Variants in PCDHGA1 observed in about 807,000 individuals in gnomAD.
PCDHGA1 encodes the protein protocadherin gamma-A1.
PCDHGA1 carries 32 observed loss-of-function variants against 58.0 expected under a neutral mutation model. The ratio of observed to expected loss-of-function variants is 0.55; its 90% CI spans 0.42 to 0.74. The LOEUF (loss-of-function observed/expected upper bound fraction) is 0.74, where lower values mean the gene tolerates loss of function less well. Among genes scored for constraint, PCDHGA1 ranks in the 30% least tolerant of loss-of-function variants. The probability of loss-of-function intolerance (pLI) is 0.00; values close to 1 mark genes in which losing one functional copy is unlikely to be tolerated. For synonymous variants in PCDHGA1, 498 were observed against 501.1 expected, an observed-to-expected ratio of 0.99 and a Z score of 0.08; for missense variants, 1,205 against 1,182.3, an observed-to-expected ratio of 1.02 and a Z score of -0.28.
chr5:141,339,219 G>T (rs1278686878), intron 1 of PCDHGA1: 1 of 1,614,172 alleles, frequency 6.2e-7, no homozygotes, highest in Non-Finnish European at 8.5e-7. Flanking sequence ...CGAAGCGGCA[G>T]CTTGGTCACT....
chr5:141,405,419 T>C, intron 1 of PCDHGA1: 7 of 1,509,010 alleles, frequency 4.6e-6, no homozygotes, highest in Non-Finnish European at 5.4e-6. Flanking sequence ...TTTTTTGTTT[T>C]TTGTTTTGTT....
chr5:141,345,099 G>T (rs541638352), intron 1 of PCDHGA1: 1 of 1,614,002 alleles, frequency 6.2e-7, no homozygotes, highest in African/African-American at 1.3e-5. Context: ...CACAAGCTCA[G>T]TCCCAGAAGA....
intron 1 of PCDHGA1, among the ~76,000 whole-genome samples, chr5:141,459,962 C>T (rs994878993): frequency 5.3e-5 from 8 of 152,290 alleles, no homozygotes; most frequent in South Asian, 2.1e-4. Flanking sequence ...CCTGTAATCC[C>T]AGCTACTCAG....
rs749653656 is a variant in PCDHGA1, at chr5:141,331,282, T to C, written c.598T>C (p.Leu200=). The C allele has an allele frequency of 6.2e-7, 1 of 1,614,054 alleles. No individual in the cohort carries two copies. Among genetic ancestry groups the C allele is most frequent in the South Asian group, 1.1e-5 (1 of 91,074 alleles). ...QHPEMVLQSP[L]DREEEAVHHL... ...TCCAGAGATGGTGCTGCAGAGTCCCTTAGACAGAGAAGAAGAAGCTGTCCA... is the reference window on the plus strand; with the variant it reads ...TCCAGAGATGGTGCTGCAGAGTCCCCTAGACAGAGAAGAAGAAGCTGTCCA... The change falls in exon 1 of 4, where the codon TTA becomes CTA. Residue 200 remains leucine (L), a synonymous_variant. Coordinates refer to ENST00000517417, the MANE Select transcript of PCDHGA1 (RefSeq NM_018912.3).
At chr5:141,437,895 A>G (rs911855268) in intron 1 of PCDHGA1, among the ~76,000 whole-genome samples, 23 of 151,954 alleles carry the variant, frequency 1.5e-4, no homozygotes, top group African/African-American at 4.8e-4. Flanking sequence ...ACGCCACCAC[A>G]CCCAGCTAAT....
At chr5:141,414,059 A>C (rs1008514691) in intron 1 of PCDHGA1, 1 of 1,609,440 alleles carries the variant, frequency 6.2e-7, no homozygotes, top group East Asian at 2.2e-5. Flanking sequence ...CAATTGTTGA[A>C]GTTCCAACTA....
chr5:141,451,955 A>T (rs1004010741), intron 1 of PCDHGA1, among the ~76,000 whole-genome samples: 2 of 152,196 alleles, frequency 1.3e-5, no homozygotes, highest in Admixed American at 1.3e-4. Flanking sequence ...CGAGAAAGTG[A>T]CATACCATCA....
At position 141,485,680 on chromosome 5, in the gene PCDHGA1, C is replaced by A. The variant is rs1450674419; in HGVS notation, c.2422-9127C>A. The A allele has an allele frequency of 6.2e-7, 1 of 1,613,966 alleles. No individual in the cohort carries two copies. On this transcript the variant is annotated intron_variant, in intron 1 of 3. Transcript: ENST00000517417. The surrounding 1 kb of genome is among the most constrained non-coding windows in gnomAD (Gnocchi z 5.7). ...ATGTGGGGAGCAATTCGATTAGCAGCTATAGGCTGAGCTCCAATGAACACT... is the reference window on the plus strand; with the variant it reads ...ATGTGGGGAGCAATTCGATTAGCAGATATAGGCTGAGCTCCAATGAACACT...
In PCDHGA1 at chr5:141,505,470, C is replaced by G; in HGVS notation, c.2558C>G (p.Ala853Gly). 6.2e-7 allele frequency: 1 copy of G among 1,614,186 alleles called. No individual in the cohort carries two copies. Among genetic ancestry groups the G allele is most frequent in the Non-Finnish European group, 8.5e-7 (1 of 1,180,002 alleles). Residue 853 changes from alanine to glycine, a missense_variant, in exon 3 of 4, where the codon GCG (alanine) becomes GGG (glycine). Ala to Gly is a moderately conservative substitution (Grantham distance 60). Transcript: ENST00000517417. ...GAGATGCTGCAAGCCATGATCTTGG[C>G]GTCCGCCAGTGGTAAGTGGTGTCAG... The part of the protein sequence containing the change: ...DTEMLQAMIL[A>G]SASEAADGSS...
At chr5:141,422,111 T>A (rs763658255) in intron 1 of PCDHGA1, 1 of 1,606,408 alleles carries the variant, frequency 6.2e-7, no homozygotes, top group Admixed American at 1.7e-5. Context: ...ATATTCCAAT[T>A]GGATTCACAA....
At chr5:141,372,320 G>A (rs924868595) in intron 1 of PCDHGA1, 2 of 1,613,612 alleles carry the variant, frequency 1.2e-6, no homozygotes, top group Non-Finnish European at 1.7e-6. Context: ...GCCAGCGCCT[G>A]CTGGTCACTG....
intron 1 of PCDHGA1, chr5:141,427,415 T>G: frequency 2.1e-6 from 1 of 465,414 alleles, no homozygotes; most frequent in Non-Finnish European, 4.3e-6. Context: ...CGAGAGAAAA[T>G]GGGGAGGTTA....
chr5:141,431,561 G>C lies in PCDHGA1; in HGVS notation c.2422-63246G>C. On this transcript the variant is annotated intron_variant, in intron 1 of 3. Transcript: ENST00000517417. The surrounding 1 kb of genome is among the most constrained non-coding windows in gnomAD (Gnocchi z 4.8). ...GCAGCTGCTTGTAGTCAACGCTACC[G>C]ACCCTGACGAAGGAGTCAATGCGGA... 6.2e-7 allele frequency: 1 copy of C among 1,614,146 alleles called. No homozygotes were observed. The highest frequency in any genetic ancestry group is 1.1e-5 in the South Asian group (1 of 91,080).
At chr5:141,360,191 C>A (rs764540512) in intron 1 of PCDHGA1, 3 of 1,611,710 alleles carry the variant, frequency 1.9e-6, no homozygotes, top group East Asian at 2.2e-5. Context: ...GTACTGTTGC[C>A]CTTCCTGTTG....
intron 1 of PCDHGA1, chr5:141,442,419 T>TG (rs1214499832): frequency 1.3e-5 from 2 of 152,192 alleles, no homozygotes; most frequent in African/African-American, 4.8e-5. Context: ...AGTGAACTTC[T>TG]TTTTTGAATC....
intron 1 of PCDHGA1, among the ~76,000 whole-genome samples, chr5:141,467,680 T>A (rs75237059): frequency 6.6e-6 from 1 of 152,138 alleles, no homozygotes; most frequent in Non-Finnish European, 1.5e-5. Flanking sequence ...TTATTTTTTT[T>A]AGACAGGGTC....
rs1375469711 is a variant in PCDHGA1 at position 141,512,102 on chromosome 5, C to G, written c.*929C>G. On this transcript the variant is annotated 3_prime_UTR_variant, in exon 4 of 4. Coordinates refer to ENST00000517417, the MANE Select transcript of PCDHGA1 (RefSeq NM_018912.3). Reference sequence around the variant, plus strand: ...GCCATAAACCAATAACTAGGCTGGACCCTTCCCACTACATAATAGGGCTCA... The same window carrying G: ...GCCATAAACCAATAACTAGGCTGGAGCCTTCCCACTACATAATAGGGCTCA... The G allele has an allele frequency of 6.5e-6, 1 of 152,806 alleles. No individual in the cohort carries two copies. The highest frequency in any genetic ancestry group is 1.9e-4 in the East Asian group (1 of 5,182). The allele number at this position is 152,806 out of a possible 1,614,324, so 9.5% of individuals were successfully genotyped here. A position where few individuals can be genotyped will look rare whatever the true frequency, so the allele number is the denominator to read the frequency against.
At chr5:141,399,987 A>T in intron 1 of PCDHGA1, 1 of 1,612,224 alleles carries the variant, frequency 6.2e-7, no homozygotes, top group Non-Finnish European at 8.5e-7. Flanking sequence ...TGCGCACAGG[A>T]GAGGTGCGCA....
chr5:141,471,003 C>A (rs2099246040), intron 1 of PCDHGA1, among the ~76,000 whole-genome samples: 1 of 151,658 alleles, frequency 6.6e-6, no homozygotes, highest in East Asian at 1.9e-4. Flanking sequence ...AGGCATGAGC[C>A]ACTGTGCCTG....
Sources: gnomAD v4.1 joint callset for allele counts (sites outside exome capture counted in the v4.1 genomes callset) on GRCh38, gnomAD v4.1.1 for gene constraint, Gnocchi (gnomAD v3.1) non-coding constraint, MANE v1.5 for transcripts, NCBI Gene and HGNC (gene_info 2026-07-23, HGNC 2026-07-21) for gene names.